GPC5: variants seen among roughly 807,000 people sequenced by gnomAD.
The protein encoded by GPC5 is glypican-5.
Under a neutral mutation model 53.9 loss-of-function variants are expected in GPC5, and 47 were observed. The ratio of observed to expected loss-of-function variants is 0.87; its 90% CI spans 0.69 to 1.11. The LOEUF (loss-of-function observed/expected upper bound fraction) is 1.11, where lower values mean the gene tolerates loss of function less well. Among genes scored for constraint, GPC5 ranks in the 50% most tolerant of loss-of-function variants. GPC5 has a pLI of 0.00. For synonymous variants in GPC5, 286 were observed against 263.3 expected, an observed-to-expected ratio of 1.09 and a Z score of -0.84; for missense variants, 748 against 713.1, an observed-to-expected ratio of 1.05 and a Z score of -0.56.
intron 6 of GPC5, among the ~76,000 whole-genome samples, chr13:92,021,548 G>C (rs921196345): frequency 1.3e-5 from 2 of 152,182 alleles, no homozygotes; most frequent in Admixed American, 1.3e-4. Context: ...CAGATTTGCT[G>C]TATAACATTG....
intron 2 of GPC5, among the ~76,000 whole-genome samples, chr13:91,491,173 C>G (rs750009435): frequency 5.3e-5 from 8 of 152,144 alleles, no homozygotes; most frequent in Non-Finnish European, 7.4e-5. Flanking sequence ...TAGGCCATTA[C>G]CATTACTTTC....
chr13:92,083,915 A>G (rs2041316229), intron 6 of GPC5, among the ~76,000 whole-genome samples: 1 of 152,250 alleles, frequency 6.6e-6, no homozygotes. Flanking sequence ...AATGTGGTAC[A>G]TATACTCCAT....
At chr13:92,175,510 C>T (rs999829037) in intron 7 of GPC5, among the ~76,000 whole-genome samples, 1 of 152,124 alleles carries the variant, frequency 6.6e-6, no homozygotes, top group Non-Finnish European at 1.5e-5. Context: ...GTCCAGCTAT[C>T]TAAGAGCTGA....
intron 6 of GPC5, among the ~76,000 whole-genome samples, chr13:92,091,781 CA>C (rs1385585705): frequency 7.6e-6 from 1 of 131,080 alleles, no homozygotes; most frequent in Non-Finnish European, 1.6e-5. Flanking sequence ...AAAAAAAAAA[CA>C]ATGTGAAAGC....
At position 91,692,160 on chromosome 13, in the gene GPC5, T is replaced by C. The variant is rs533729175; in HGVS notation, c.326-1027T>C. ...AAATTGACTTGAGATCATCAGTTAT[T>C]TAAGTAAGAAACAAAATATCCCACA... is the stretch of plus-strand genomic sequence containing the variant. On this transcript the variant is annotated intron_variant, in intron 2 of 7. Coordinates refer to ENST00000377067, the MANE Select transcript of GPC5 (RefSeq NM_004466.6). Among the ~76,000 whole-genome samples the C allele has an allele frequency of 9.2e-5, 14 of 152,294 alleles. No homozygotes were observed. The South Asian group carries it at 2.9e-3, about 32-fold the overall frequency.
chr13:91,664,025 C>A (rs2035046976), intron 2 of GPC5, among the ~76,000 whole-genome samples: 1 of 152,020 alleles, frequency 6.6e-6, no homozygotes, highest in Non-Finnish European at 1.5e-5. Context: ...ATTTTTTGTG[C>A]ACTTACTCTG....
At chr13:91,867,887 G>T (rs561576054) in intron 5 of GPC5, among the ~76,000 whole-genome samples, 1 of 152,172 alleles carries the variant, frequency 6.6e-6, no homozygotes, top group Non-Finnish European at 1.5e-5. Flanking sequence ...GATAAATATT[G>T]TTCATGTTGC....
chr13:91,705,784 G>T (rs1472918258), intron 3 of GPC5, among the ~76,000 whole-genome samples: 1 of 146,820 alleles, frequency 6.8e-6, no homozygotes, highest in Non-Finnish European at 1.5e-5. Flanking sequence ...AACCTGAAAA[G>T]AATGAAAAAT....
At chr13:91,963,767 T>C (rs4773657) in intron 6 of GPC5, among the ~76,000 whole-genome samples, 65,252 of 151,938 alleles carry the variant, frequency 0.43, 16,471 homozygotes, top group East Asian at 0.75. Flanking sequence ...ATAATAATAT[T>C]GATATGCCAC....
At chr13:91,908,148 C>A in intron 6 of GPC5, 91 bp downstream of exon 6, 1 of 1,001,902 alleles carries the variant, frequency 1.0e-6, no homozygotes, top group Non-Finnish European at 1.4e-6. Flanking sequence ...TTAATCCTGT[C>A]AGATAATCCT....
chr13:91,877,302 C>T (rs2039214155), intron 5 of GPC5, among the ~76,000 whole-genome samples: 1 of 152,162 alleles, frequency 6.6e-6, no homozygotes, highest in African/African-American at 2.4e-5. Flanking sequence ...ACAGTTTGCA[C>T]AGTGCACCTG....
intron 2 of GPC5, among the ~76,000 whole-genome samples, chr13:91,481,384 A>C (rs1883289840): frequency 1.3e-5 from 2 of 152,208 alleles, no homozygotes; most frequent in Non-Finnish European, 2.9e-5. Flanking sequence ...ATGACTGCTC[A>C]CATTTTGGTA....
intron 3 of GPC5, among the ~76,000 whole-genome samples, chr13:91,694,218 G>A (rs761207456): frequency 2.0e-5 from 3 of 152,120 alleles, no homozygotes; most frequent in Non-Finnish European, 4.4e-5. Flanking sequence ...TGATAAAAAG[G>A]AAATAGTAAC....
chr13:91,527,571 G>C (rs546616823), intron 2 of GPC5, among the ~76,000 whole-genome samples: 2 of 152,146 alleles, frequency 1.3e-5, no homozygotes, highest in Non-Finnish European at 2.9e-5. Flanking sequence ...TCTGCTATTC[G>C]GGCGTCTGGA....
chr13:92,166,993 C>CAT (rs2042036390), intron 7 of GPC5, among the ~76,000 whole-genome samples: 2 of 143,540 alleles, frequency 1.4e-5, no homozygotes, highest in African/African-American at 5.6e-5. Context: ...CACACACACA[C>CAT]ACATATACAC....
chr13:92,724,277 AAAAT>A (rs1383497897), intron 7 of GPC5, among the ~76,000 whole-genome samples: 5 of 151,774 alleles, frequency 3.3e-5, no homozygotes, highest in African/African-American at 4.8e-5. Flanking sequence ...CATTTTTAGC[AAAAT>A]AAATAAGTAA....
intron 6 of GPC5, among the ~76,000 whole-genome samples, chr13:92,065,755 T>A (rs2138858687): frequency 6.6e-6 from 1 of 152,282 alleles, no homozygotes; most frequent in South Asian, 2.1e-4. Flanking sequence ...CTTTATCTAT[T>A]TTGTGTTTCC....
In GPC5 at chr13:92,140,307, A is replaced by G. The variant is rs567035225; in HGVS notation, c.1402-4523A>G. 2.0e-5 allele frequency among the ~76,000 whole-genome samples: 3 copies of G among 152,290 alleles called. No individual in the cohort carries two copies. The South Asian group carries it at 6.2e-4, about 32-fold the overall frequency. On this transcript the variant is annotated intron_variant, in intron 6 of 7. Coordinates refer to ENST00000377067, the MANE Select transcript of GPC5 (RefSeq NM_004466.6). ...GGGGAGCTGTGTTTAGATACAATTTACAAGCAAAACAAAATAATACATAAT... is the reference window on the plus strand; with the variant it reads ...GGGGAGCTGTGTTTAGATACAATTTGCAAGCAAAACAAAATAATACATAAT...
intron 6 of GPC5, among the ~76,000 whole-genome samples, chr13:92,104,021 T>C (rs2041487469): frequency 6.6e-6 from 1 of 152,102 alleles, no homozygotes; most frequent in African/African-American, 2.4e-5. Flanking sequence ...CCATGATTAC[T>C]GATTGTTTTT....
Sources: allele counts gnomAD v4.1 joint callset (sites outside exome capture counted in the v4.1 genomes callset), GRCh38; gene constraint gnomAD v4.1.1; transcripts MANE v1.5; gene names NCBI Gene and HGNC (gene_info 2026-07-23, HGNC 2026-07-21).